Variants in NPLOC4 observed in about 807,000 individuals in gnomAD.
The protein encoded by NPLOC4 is NPL4 homolog, ubiquitin recognition factor.
NPLOC4 carries 18 observed loss-of-function variants against 80.6 expected under a neutral mutation model. The ratio of observed to expected loss-of-function variants is 0.22; its 90% CI spans 0.15 to 0.33. The LOEUF (loss-of-function observed/expected upper bound fraction) is 0.33. NPLOC4 is among the 10% of genes least tolerant of loss of function. NPLOC4 has a pLI of 1.00. For missense variants in NPLOC4, 540 were observed against 786.1 expected (o/e 0.69, Z 3.74); for synonymous variants, 313 against 301.5 (o/e 1.04, Z -0.39).
intron 8 of NPLOC4, among the ~76,000 whole-genome samples, chr17:81,602,284 T>C (rs1456536871): frequency 1.3e-5 from 2 of 152,100 alleles, no homozygotes; most frequent in Non-Finnish European, 2.9e-5. Context: ...CAATGGCTTA[T>C]GCTGGTAATT....
At chr17:81,589,455 G>A (rs528777073) in intron 11 of NPLOC4, among the ~76,000 whole-genome samples, 3 of 151,674 alleles carry the variant, frequency 2.0e-5, no homozygotes, top group Non-Finnish European at 4.4e-5. Flanking sequence ...CGTGAATGGC[G>A]TGAACCCGGG....
chr17:81,563,178 G>GCA (rs2033902347), intron 16 of NPLOC4: 1 of 151,416 alleles, frequency 6.6e-6, no homozygotes. Flanking sequence ...TGGGTCAAGT[G>GCA]ATTCTCCTGC....
At chr17:81,631,219 G>T (rs1456011087) in intron 1 of NPLOC4, among the ~76,000 whole-genome samples, 1 of 150,380 alleles carries the variant, frequency 6.6e-6, no homozygotes, top group Non-Finnish European at 1.5e-5. Flanking sequence ...AGCAATAAAG[G>T]TCTTTAATGG....
At chr17:81,632,558 C>T (rs8081026) in intron 1 of NPLOC4, among the ~76,000 whole-genome samples, 3,629 of 152,192 alleles carry the variant, frequency 0.024, 142 homozygotes, top group African/African-American at 0.083. Context: ...AAGTTATCCA[C>T]CCACCTGGGC....
intron 12 of NPLOC4, among the ~76,000 whole-genome samples, chr17:81,575,258 C>T (rs886521967): frequency 6.6e-6 from 1 of 152,154 alleles, no homozygotes; most frequent in African/African-American, 2.4e-5. Flanking sequence ...CGCCACCACG[C>T]CCGGCTAATT....
chr17:81,579,462 G>A (rs993406933), intron 12 of NPLOC4, among the ~76,000 whole-genome samples: 1 of 152,042 alleles, frequency 6.6e-6, no homozygotes, highest in African/African-American at 2.4e-5. Flanking sequence ...CCTCCTACCT[G>A]GACAACACCC....
chr17:81,586,715 A>G (rs1206027030), intron 12 of NPLOC4, among the ~76,000 whole-genome samples: 1 of 152,210 alleles, frequency 6.6e-6, no homozygotes, highest in Non-Finnish European at 1.5e-5. Flanking sequence ...GACAGACTGT[A>G]TCTCCCAGCC....
intron 11 of NPLOC4, among the ~76,000 whole-genome samples, chr17:81,591,111 C>T (rs781431386): frequency 6.6e-6 from 1 of 152,114 alleles, no homozygotes; most frequent in African/African-American, 2.4e-5. Context: ...CGGGGAGCCA[C>T]GGTGCAGACA....
chr17:81,608,722 GCTTA>G lies in NPLOC4; in HGVS notation c.530+2_530+5del, dbSNP rs1161009080. ...ACGCACAACCAGGTTACAGCAAGTT[GCTTA>G]CTTGTCAGCCCCTCCAGTCAGCTTC... On this transcript the variant is annotated splice_donor_variant and splice_donor_5th_base_variant and intron_variant, in intron 6 of 16. Coordinates refer to ENST00000331134, the MANE Select transcript of NPLOC4 (RefSeq NM_017921.4). LOFTEE classifies it high-confidence loss of function. 1.3e-6 allele frequency: 2 copies of G among 1,574,366 alleles called. No individual in the cohort carries two copies. Among genetic ancestry groups the G allele is most frequent in the Non-Finnish European group, 1.7e-6 (2 of 1,158,682 alleles).
intron 13 of NPLOC4, among the ~76,000 whole-genome samples, chr17:81,569,716 C>A (rs2034109080): frequency 6.6e-6 from 1 of 152,194 alleles, no homozygotes; most frequent in African/African-American, 2.4e-5. Flanking sequence ...TTCAGCTCTT[C>A]TCTCTCCCTC....
intron 3 of NPLOC4, among the ~76,000 whole-genome samples, chr17:81,617,919 G>A (rs1276598352): frequency 3.9e-5 from 6 of 152,206 alleles, no homozygotes; most frequent in East Asian, 1.9e-4. Flanking sequence ...TCGGCCTCCC[G>A]AGGTGCCGGG....
At chr17:81,588,874 A>G in intron 12 of NPLOC4, 70 bp downstream of exon 12, 1 of 1,409,962 alleles carries the variant, frequency 7.1e-7, no homozygotes, top group Non-Finnish European at 9.7e-7. Flanking sequence ...ATGCACCCAA[A>G]TTAGAAAGGT....
intron 3 of NPLOC4, among the ~76,000 whole-genome samples, chr17:81,619,329 A>G (rs1264570663): frequency 6.6e-6 from 1 of 151,448 alleles, no homozygotes; most frequent in Non-Finnish European, 1.5e-5. Context: ...GTGAGCTGAA[A>G]TCGCGCCACT....
At position 81,557,622 on chromosome 17, in the gene NPLOC4, AGAG is replaced by A. The variant is rs780869307; in HGVS notation, c.*1634_*1636del. The A allele has an allele frequency of 2.0e-5, 3 of 152,062 alleles. No individual in the cohort carries two copies. Among genetic ancestry groups the A allele is most frequent in the Non-Finnish European group, 4.4e-5 (3 of 67,868 alleles). 9.4% of individuals were successfully genotyped at this position (152,062 alleles called of 1,614,324 possible). ...TAGGCTCACAGCTCATCTCAGGACC[AGAG>A]GAGACAGCAGAGGACAAAACTTCAG... On this transcript the variant is annotated 3_prime_UTR_variant, in exon 17 of 17. Coordinates refer to ENST00000331134, the MANE Select transcript of NPLOC4 (RefSeq NM_017921.4).
chr17:81,625,020 A>G (rs1169834632), intron 2 of NPLOC4, among the ~76,000 whole-genome samples: 1 of 152,210 alleles, frequency 6.6e-6, no homozygotes, highest in Non-Finnish European at 1.5e-5. Flanking sequence ...AGAGGAAGCT[A>G]GAGTGCCAAT....
rs1364720660 is a variant in NPLOC4, at chr17:81,602,972, T to G, written c.834+1576A>C. 1.1e-4 allele frequency among the ~76,000 whole-genome samples: 11 copies of G among 102,804 alleles called. No individual in the cohort carries two copies. The South Asian group carries it at 2.7e-3, about 26-fold the overall frequency. The allele number at this position is 102,804 out of a possible 152,430, so 67.4% of individuals were successfully genotyped here. ...ACACATATATATACACACATATATA[T>G]ACACAAATACACACACACACACACA... On this transcript the variant is annotated intron_variant, in intron 8 of 16. Transcript: ENST00000331134.
At position 81,597,278 on chromosome 17, in the gene NPLOC4, G is replaced by T. The variant is rs62074671; in HGVS notation, c.960C>A (p.Thr320=). Residue 320 remains threonine (T), a synonymous_variant, in exon 10 of 17, where the codon ACC becomes ACA. Transcript: ENST00000331134. The part of the protein sequence containing the change: ...WIFTDLVSED[T]RKGTVRYSRN... ...GACTGTAGCGGACGGTACCCTTTCG[G>T]GTATCTTCTGAGACGAGGTCTGTAA... 0.099 allele frequency: 159,048 copies of T among 1,612,478 alleles called. 8,334 individuals are homozygous for T. Among genetic ancestry groups the T allele is most frequent in the Middle Eastern group, 0.14 (849 of 6,054 alleles).
intron 3 of NPLOC4, among the ~76,000 whole-genome samples, chr17:81,618,314 G>A (rs1404366461): frequency 7.5e-5 from 11 of 146,092 alleles, no homozygotes; most frequent in Non-Finnish European, 1.5e-4. Context: ...CCGCCGCCCC[G>A]TCTGGGATGT....
chr17:81,565,111 T>A, intron 16 of NPLOC4: 1 of 588,728 alleles, frequency 1.7e-6, no homozygotes, highest in Non-Finnish European at 3.0e-6. Context: ...CTTCTCCTCC[T>A]TACAGCTTTA....
Sources: gnomAD v4.1 joint callset for allele counts (sites outside exome capture counted in the v4.1 genomes callset) on GRCh38, gnomAD v4.1.1 for gene constraint, MANE v1.5 for transcripts, NCBI Gene and HGNC (gene_info 2026-07-23, HGNC 2026-07-21) for gene names.